SAMD5: variants seen among roughly 807,000 people sequenced by gnomAD.
SAMD5 encodes the protein sterile alpha motif domain containing 5, also known as sterile alpha motif domain-containing protein 5.
SAMD5 carries 13 observed loss-of-function variants against 11.3 expected under a neutral mutation model. The observed-to-expected ratio is 1.15, with a 90% CI of 0.75 to 1.83. SAMD5 has a LOEUF of 1.83. Among genes scored for constraint, SAMD5 ranks in the 40% most tolerant of loss-of-function variants. The pLI, the probability that SAMD5 is intolerant of heterozygous loss-of-function variation, is 0.00. For missense variants in SAMD5, 255 were observed against 239.1 expected, an observed-to-expected ratio of 1.07 and a Z score of -0.44; for synonymous variants, 129 against 111.3, an observed-to-expected ratio of 1.16 and a Z score of -1.00.
chr6:147,838,452 T>A, the SAMD5 span, among the ~76,000 whole-genome samples: 2 of 151,618 alleles, frequency 1.3e-5, no homozygotes, highest in Non-Finnish European at 2.9e-5. Flanking sequence ...AATGGTGTTG[T>A]AAGAATCAAG....
the SAMD5 span, among the ~76,000 whole-genome samples, chr6:147,929,014 C>A: frequency 0.1 from 15,356 of 150,844 alleles, 1,061 homozygotes; most frequent in South Asian, 0.29. Flanking sequence ...TTTTATTGGT[C>A]CAAGAGTACA....
At chr6:147,888,427 G>A in the SAMD5 span, among the ~76,000 whole-genome samples, 2 of 152,036 alleles carry the variant, frequency 1.3e-5, no homozygotes, top group Admixed American at 1.3e-4. Flanking sequence ...TGGGAAAAGG[G>A]CTGCATTTGC....
At chr6:147,578,049 A>G (rs1789243550) in intron 1 of SAMD5, among the ~76,000 whole-genome samples, 1 of 152,206 alleles carries the variant, frequency 6.6e-6, no homozygotes, top group African/African-American at 2.4e-5. Context: ...TCTGCCATGC[A>G]ATGGAGAGAA....
the SAMD5 span, among the ~76,000 whole-genome samples, chr6:147,819,912 G>A: frequency 6.6e-6 from 1 of 152,310 alleles, no homozygotes; most frequent in East Asian, 1.9e-4. Flanking sequence ...AGTCGTGGTG[G>A]CAACACCACG....
the SAMD5 span, among the ~76,000 whole-genome samples, chr6:147,952,671 C>T: frequency 8.5e-4 from 130 of 152,164 alleles, 4 homozygotes; most frequent in South Asian, 0.012. Flanking sequence ...CCACCACACC[C>T]GCGAATTTTT....
the SAMD5 span, among the ~76,000 whole-genome samples, chr6:147,837,211 TC>T: frequency 6.6e-6 from 1 of 152,212 alleles, no homozygotes; most frequent in East Asian, 1.9e-4. Context: ...TGCTCCCCCT[TC>T]CTCCTTCCTA....
chr6:147,621,268 T>G (rs1789961064), intron 1 of SAMD5, among the ~76,000 whole-genome samples: 1 of 151,996 alleles, frequency 6.6e-6, no homozygotes, highest in Non-Finnish European at 1.5e-5. Context: ...TAATGAAACG[T>G]GAAATAAAAC....
the SAMD5 span, among the ~76,000 whole-genome samples, chr6:147,948,075 T>C: frequency 6.6e-6 from 1 of 152,174 alleles, no homozygotes; most frequent in Non-Finnish European, 1.5e-5. Context: ...GTCCTACTTC[T>C]CAATAACATT....
the SAMD5 span, among the ~76,000 whole-genome samples, chr6:147,876,492 C>G: frequency 6.6e-6 from 1 of 152,184 alleles, no homozygotes; most frequent in African/African-American, 2.4e-5. Flanking sequence ...TCTCAGTTCA[C>G]TAAAGGCTGA....
chr6:147,706,425 A>G (rs1374907362), intron 1 of SAMD5, among the ~76,000 whole-genome samples: 2 of 152,064 alleles, frequency 1.3e-5, no homozygotes, highest in Non-Finnish European at 2.9e-5. Context: ...ATGGGGTTTT[A>G]CCATGTTGAC....
the SAMD5 span, among the ~76,000 whole-genome samples, chr6:147,831,974 T>C: frequency 6.6e-6 from 1 of 152,108 alleles, no homozygotes; most frequent in African/African-American, 2.4e-5. Context: ...ACCACATTTT[T>C]CAAGAAGTTA....
At chr6:147,538,633 G>T (rs951551130) in intron 1 of SAMD5, among the ~76,000 whole-genome samples, 1 of 152,134 alleles carries the variant, frequency 6.6e-6, no homozygotes, top group East Asian at 1.9e-4. Context: ...ATAGCTCTTC[G>T]TATGTCCCCA....
intron 1 of SAMD5, among the ~76,000 whole-genome samples, chr6:147,576,034 C>G (rs905545768): frequency 6.6e-6 from 1 of 152,160 alleles, no homozygotes; most frequent in African/African-American, 2.4e-5. Context: ...TTTGTTCTCA[C>G]TGCTGGTTCA....
chr6:147,577,684 A>G (rs1166449007), intron 1 of SAMD5, among the ~76,000 whole-genome samples: 1 of 152,104 alleles, frequency 6.6e-6, no homozygotes, highest in Non-Finnish European at 1.5e-5. Context: ...GCATGAGGAG[A>G]GAGTTGGCAA....
At chr6:147,682,933 A>G (rs1240907759) in intron 1 of SAMD5, among the ~76,000 whole-genome samples, 1 of 152,186 alleles carries the variant, frequency 6.6e-6, no homozygotes, top group Non-Finnish European at 1.5e-5. Context: ...TCCAGTGAAA[A>G]ATAGATTTTT....
chr6:147,782,109 A>T, the SAMD5 span, among the ~76,000 whole-genome samples: 1 of 150,902 alleles, frequency 6.6e-6, no homozygotes, highest in East Asian at 1.9e-4. Flanking sequence ...ATTTCATAAA[A>T]TCTTTCTGTG....
chr6:147,768,525 A>AC, the SAMD5 span, among the ~76,000 whole-genome samples: 1 of 152,088 alleles, frequency 6.6e-6, no homozygotes, highest in African/African-American at 2.4e-5. Context: ...AACAACAACA[A>AC]AAAAACAGAA....
chr6:147,871,951 T>C, the SAMD5 span, among the ~76,000 whole-genome samples: 51 of 152,256 alleles, frequency 3.3e-4, 2 homozygotes, highest in South Asian at 0.01. Context: ...TTCAGAAAAA[T>C]AATATATATG....
At chr6:147,626,641 C>T (rs1185717218) in intron 1 of SAMD5, among the ~76,000 whole-genome samples, 2 of 151,234 alleles carry the variant, frequency 1.3e-5, no homozygotes, top group African/African-American at 2.4e-5. Flanking sequence ...TTAAAAAGAA[C>T]CAATGCCTTA....
Sources: gnomAD v4.1 joint callset for allele counts (sites outside exome capture counted in the v4.1 genomes callset) on GRCh38, gnomAD v4.1.1 for gene constraint, MANE v1.5 for transcripts, NCBI Gene and HGNC (gene_info 2026-07-23, HGNC 2026-07-21) for gene names.